PPP1R12A: variants seen among roughly 807,000 people sequenced by gnomAD.
PPP1R12A encodes the protein protein phosphatase 1 regulatory subunit 12A.
A neutral mutation model predicts 139.6 loss-of-function variants in PPP1R12A; 19 were observed. The ratio of observed to expected loss-of-function variants is 0.14; its 90% CI spans 0.09 to 0.20. The LOEUF (loss-of-function observed/expected upper bound fraction) is 0.20, where lower values mean the gene tolerates loss of function less well. PPP1R12A is among the 10% of genes least tolerant of loss of function. PPP1R12A has a pLI of 1.00. For missense variants in PPP1R12A, 925 were observed against 1,211.5 expected, an observed-to-expected ratio of 0.76 and a Z score of 3.51; for synonymous variants, 427 against 420.6, an observed-to-expected ratio of 1.02 and a Z score of -0.19.
chr12:79,806,219 T>C lies in PPP1R12A; in HGVS notation c.1770A>G (p.Thr590=), dbSNP rs747365759. The change falls in exon 13 of 25, where the codon ACA becomes ACG. Residue 590 remains threonine (T), a synonymous_variant. Transcript: ENST00000450142. The part of the protein sequence containing the change: ...AGLQKSLLSS[T]STTTKITTGS... ...CCGTTGTAATCTTTGTAGTAGTGCT[T>C]GTGCTGGAAAGCAGGCTTTTCTGAA... 4 of 1,613,864 alleles carry C rather than the reference T, an allele frequency of 2.5e-6. No homozygotes were observed. The highest frequency in any genetic ancestry group is 3.4e-6 in the Non-Finnish European group (4 of 1,179,856).
intron 2 of PPP1R12A, among the ~76,000 whole-genome samples, chr12:79,852,690 A>G (rs1880197606): frequency 6.6e-6 from 1 of 152,138 alleles, no homozygotes; most frequent in African/African-American, 2.4e-5. Flanking sequence ...CAGATGGGGC[A>G]GCTTCTTGAT....
chr12:79,848,649 A>G (rs766840983), intron 2 of PPP1R12A: 3 of 152,210 alleles, frequency 2.0e-5, no homozygotes, highest in Non-Finnish European at 2.9e-5. Context: ...GTGTATGTAC[A>G]TATGTATGTA....
At chr12:79,847,100 C>T (rs1418590064) in intron 2 of PPP1R12A, among the ~76,000 whole-genome samples, 1 of 151,910 alleles carries the variant, frequency 6.6e-6, no homozygotes, top group South Asian at 2.1e-4. Context: ...TATTATGTTC[C>T]CTCCCCCAGA....
chr12:79,776,043 T>C, intron 24 of PPP1R12A, 28 bp from the exon 25 acceptor site: 3 of 1,318,968 alleles, frequency 2.3e-6, no homozygotes, highest in Middle Eastern at 1.9e-4. Context: ...GAAGATCAAG[T>C]TTTACCTTCA....
chr12:79,898,257 C>G (rs1194032095), intron 1 of PPP1R12A, among the ~76,000 whole-genome samples: 1 of 152,154 alleles, frequency 6.6e-6, no homozygotes, highest in Non-Finnish European at 1.5e-5. Flanking sequence ...CAAGACCAGC[C>G]TGGGCAACAT....
intron 1 of PPP1R12A, among the ~76,000 whole-genome samples, chr12:79,902,896 A>T (rs1329448452): frequency 6.6e-6 from 1 of 151,976 alleles, no homozygotes; most frequent in Non-Finnish European, 1.5e-5. Flanking sequence ...TTTATACAGG[A>T]TCCTCCTCTC....
intron 3 of PPP1R12A, among the ~76,000 whole-genome samples, chr12:79,842,074 C>A (rs1327601173): frequency 6.6e-6 from 1 of 152,000 alleles, no homozygotes; most frequent in Non-Finnish European, 1.5e-5. Context: ...AATATCAGAA[C>A]TTTGGGAGGC....
intron 1 of PPP1R12A, among the ~76,000 whole-genome samples, chr12:79,877,687 T>C (rs2137360596): frequency 6.6e-6 from 1 of 152,258 alleles, no homozygotes; most frequent in East Asian, 1.9e-4. Context: ...GGCTAATTCT[T>C]GTATTTTTAG....
At chr12:79,824,684 A>C (rs1876549749) in intron 5 of PPP1R12A, among the ~76,000 whole-genome samples, 1 of 152,232 alleles carries the variant, frequency 6.6e-6, no homozygotes, top group African/African-American at 2.4e-5. Flanking sequence ...AACAGTCATG[A>C]AGTTATAAAC....
intron 2 of PPP1R12A, among the ~76,000 whole-genome samples, chr12:79,869,356 A>G (rs1190105932): frequency 6.6e-6 from 1 of 152,218 alleles, no homozygotes; most frequent in Non-Finnish European, 1.5e-5. Flanking sequence ...AATCATCCTC[A>G]AATCCTCAGA....
intron 6 of PPP1R12A, among the ~76,000 whole-genome samples, chr12:79,821,830 T>C (rs867379192): frequency 3.0e-4 from 45 of 152,066 alleles, no homozygotes; most frequent in Middle Eastern, 3.2e-3. Flanking sequence ...TGAGATTTTA[T>C]AGATTCCATC....
At chr12:79,837,072 G>A (rs900230686) in intron 3 of PPP1R12A, among the ~76,000 whole-genome samples, 1 of 152,112 alleles carries the variant, frequency 6.6e-6, no homozygotes, top group African/African-American at 2.4e-5. Context: ...AAAAGTCTAT[G>A]ATTCTGCTTC....
intron 22 of PPP1R12A, among the ~76,000 whole-genome samples, chr12:79,785,767 G>C (rs553490439): frequency 6.6e-6 from 1 of 151,944 alleles, no homozygotes; most frequent in Admixed American, 6.6e-5. Context: ...TTGAAAGGAG[G>C]GAAATGAGGA....
chr12:79,921,999 C>T (rs770455794), intron 1 of PPP1R12A, among the ~76,000 whole-genome samples: 59 of 152,294 alleles, frequency 3.9e-4, no homozygotes, highest in Admixed American at 8.5e-4. Context: ...GGCTGTAATC[C>T]AAGCACTTTG....
chr12:79,903,770 A>G (rs895672366), intron 1 of PPP1R12A, among the ~76,000 whole-genome samples: 2 of 152,200 alleles, frequency 1.3e-5, no homozygotes, highest in Non-Finnish European at 2.9e-5. Flanking sequence ...TTGAGAAAAT[A>G]AAGGTAAATA....
At chr12:79,922,618 A>G (rs529246818) in intron 1 of PPP1R12A, among the ~76,000 whole-genome samples, 1 of 152,192 alleles carries the variant, frequency 6.6e-6, no homozygotes, top group African/African-American at 2.4e-5. Context: ...GTTCTCACTC[A>G]TAAGTGGAAG....
intron 1 of PPP1R12A, among the ~76,000 whole-genome samples, chr12:79,919,447 C>G (rs1308067462): frequency 1.3e-5 from 2 of 151,352 alleles, no homozygotes; most frequent in African/African-American, 4.9e-5. Flanking sequence ...CTCAGCTACT[C>G]AGGAGGCTGA....
intron 1 of PPP1R12A, among the ~76,000 whole-genome samples, chr12:79,887,220 G>C (rs1300324181): frequency 6.6e-6 from 1 of 152,100 alleles, no homozygotes; most frequent in African/African-American, 2.4e-5. Flanking sequence ...AGGCATTTAT[G>C]ACCTACTGTG....
At chr12:79,841,623 C>T (rs1878724704) in intron 3 of PPP1R12A, among the ~76,000 whole-genome samples, 1 of 152,182 alleles carries the variant, frequency 6.6e-6, no homozygotes, top group Non-Finnish European at 1.5e-5. Flanking sequence ...CAGTACAACT[C>T]CATGCCTTTT....
Sources: allele counts gnomAD v4.1 joint callset (sites outside exome capture counted in the v4.1 genomes callset), GRCh38; gene constraint gnomAD v4.1.1; transcripts MANE v1.5; gene names NCBI Gene and HGNC (gene_info 2026-07-23, HGNC 2026-07-21).